The following ATXN8OS variants were observed in gnomAD, a reference collection of about 807,000 sequenced individuals.
The protein encoded by ATXN8OS is ATXN8 opposite strand (non-protein coding).
intron 2 of ATXN8OS, among the ~76,000 whole-genome samples, chr13:70,122,046 T>C (rs933067319): frequency 6.6e-6 from 1 of 152,096 alleles, no homozygotes; most frequent in Non-Finnish European, 1.5e-5. Context: ...TTTAGAATTA[T>C]GTTCTAGATA....
At chr13:70,135,501 C>T (rs1173255568) in intron 3 of ATXN8OS, among the ~76,000 whole-genome samples, 5 of 152,026 alleles carry the variant, frequency 3.3e-5, no homozygotes, top group African/African-American at 1.2e-4. Context: ...ACTTGGCCAT[C>T]GTAATTGTGG....
At chr13:70,153,135 T>A (rs181612580) in intron 4 of ATXN8OS, among the ~76,000 whole-genome samples, 17 of 152,016 alleles carry the variant, frequency 1.1e-4, no homozygotes, top group African/African-American at 3.6e-4. Context: ...TATGACAATA[T>A]TTAAGTGAGT....
At chr13:70,163,154 G>A (rs1261966109) in intron 4 of ATXN8OS, among the ~76,000 whole-genome samples, 1 of 151,924 alleles carries the variant, frequency 6.6e-6, no homozygotes, top group Non-Finnish European at 1.5e-5. Context: ...TAATTACAAT[G>A]TAACTGTTAT....
chr13:70,147,133 T>G (rs945666869), intron 3 of ATXN8OS, among the ~76,000 whole-genome samples: 1 of 152,226 alleles, frequency 6.6e-6, no homozygotes, highest in East Asian at 1.9e-4. Flanking sequence ...CAAAATACAA[T>G]GTATTGTCTG....
At chr13:70,148,004 A>G (rs1374871968) in intron 4 of ATXN8OS, among the ~76,000 whole-genome samples, 1 of 152,112 alleles carries the variant, frequency 6.6e-6, no homozygotes, top group African/African-American at 2.4e-5. Flanking sequence ...CAGTTGGTTG[A>G]AGGAGTTAAG....
intron 2 of ATXN8OS, among the ~76,000 whole-genome samples, chr13:70,127,716 GTAGT>G (rs1374959301): frequency 6.8e-6 from 1 of 147,954 alleles, no homozygotes; most frequent in Non-Finnish European, 1.5e-5. Context: ...TTTTGTGGGT[GTAGT>G]TAGAGAGTAC....
intron 2 of ATXN8OS, among the ~76,000 whole-genome samples, chr13:70,118,102 T>C (rs1020438963): frequency 2.6e-5 from 4 of 152,106 alleles, no homozygotes; most frequent in Non-Finnish European, 4.4e-5. Context: ...ATATTAGGGA[T>C]ATTCTAAAAT....
exon 2 of ATXN8OS, chr13:70,115,243 G>A (rs1888258547): frequency 2.5e-6 from 1 of 398,358 alleles, no homozygotes; most frequent in African/African-American, 2.1e-5. Context: ...GCAAGAGAGA[G>A]AACAAAGTCT....
chr13:70,139,380 A>ACTACTACTGCTGCTGCTGCTG, intron 3 of ATXN8OS: 1 of 574,176 alleles, frequency 1.7e-6, no homozygotes, highest in Non-Finnish European at 3.0e-6. Context: ...TACTACTACT[A>ACTACTACTGCTGCTGCTGCTG]CTACTGCTGC....
intron 1 of ATXN8OS, among the ~76,000 whole-genome samples, chr13:70,113,563 A>T (rs773501926): frequency 1.4e-3 from 214 of 152,302 alleles, no homozygotes; most frequent in Admixed American, 2.4e-3. Context: ...TTTAATCAGG[A>T]TGATCAAAAT....
At chr13:70,109,519 G>A (rs1308266224) in intron 1 of ATXN8OS, among the ~76,000 whole-genome samples, 1 of 152,100 alleles carries the variant, frequency 6.6e-6, no homozygotes, top group Non-Finnish European at 1.5e-5. Flanking sequence ...GCTAAATTTG[G>A]AGTCCTTAGG....
At chr13:70,164,120 GATA>G (rs1889046248) in intron 4 of ATXN8OS, among the ~76,000 whole-genome samples, 1 of 147,304 alleles carries the variant, frequency 6.8e-6, no homozygotes, top group Non-Finnish European at 1.5e-5. Flanking sequence ...CTGGGAACAG[GATA>G]ATATTAATAA....
intron 4 of ATXN8OS, among the ~76,000 whole-genome samples, chr13:70,154,013 CCCTACATT>C (rs1888906686): frequency 6.6e-6 from 1 of 152,062 alleles, no homozygotes; most frequent in African/African-American, 2.4e-5. Flanking sequence ...CTAATTGTCC[CCCTACATT>C]CCTTCAATTT....
chr13:70,156,360 G>A (rs1213159200), intron 4 of ATXN8OS, among the ~76,000 whole-genome samples: 2 of 151,914 alleles, frequency 1.3e-5, no homozygotes, highest in South Asian at 2.1e-4. Flanking sequence ...GAAATTAGAT[G>A]TATAACTTTT....
intron 2 of ATXN8OS, among the ~76,000 whole-genome samples, chr13:70,122,408 C>T (rs1888371397): frequency 6.6e-6 from 1 of 151,970 alleles, no homozygotes; most frequent in Admixed American, 6.6e-5. Flanking sequence ...TTATACAGCT[C>T]TAAATAAAAT....
intron 4 of ATXN8OS, among the ~76,000 whole-genome samples, chr13:70,153,878 G>A (rs970054860): frequency 6.6e-6 from 1 of 151,914 alleles, no homozygotes; most frequent in African/African-American, 2.4e-5. Context: ...GTAGAGACAC[G>A]GTTTTGCCAT....
chr13:70,132,477 T>G (rs982648927), intron 3 of ATXN8OS, among the ~76,000 whole-genome samples: 1 of 151,008 alleles, frequency 6.6e-6, no homozygotes, highest in Non-Finnish European at 1.5e-5. Context: ...GGGGAAGGGA[T>G]GGATTAAAAG....
chr13:70,154,017 A>G (rs1888906739), intron 4 of ATXN8OS, among the ~76,000 whole-genome samples: 1 of 151,928 alleles, frequency 6.6e-6, no homozygotes, highest in African/African-American at 2.4e-5. Context: ...TTGTCCCCCT[A>G]CATTCCTTCA....
chr13:70,168,223 T>C (rs560839092), intron 4 of ATXN8OS, among the ~76,000 whole-genome samples: 6 of 152,044 alleles, frequency 3.9e-5, no homozygotes, highest in African/African-American at 1.4e-4. Flanking sequence ...AATGGACACA[T>C]AATGAAATTG....
Sources: allele counts gnomAD v4.1 joint callset (sites outside exome capture counted in the v4.1 genomes callset), GRCh38; gene constraint gnomAD v4.1.1; transcripts MANE v1.5; gene names NCBI Gene and HGNC (gene_info 2026-07-23, HGNC 2026-07-21).